PRIM2: variants seen among roughly 807,000 people sequenced by gnomAD.
PRIM2 encodes DNA primase subunit 2, also known as DNA primase large subunit.
A neutral mutation model predicts 67.3 loss-of-function variants in PRIM2; 39 were observed. The observed-to-expected ratio is 0.58, with a 90% confidence interval of 0.45 to 0.76. PRIM2 has a LOEUF of 0.76. Among genes scored for constraint, PRIM2 ranks in the 30% least tolerant of loss-of-function variants. The probability of loss-of-function intolerance (pLI) is 0.00; values close to 1 mark genes in which losing one functional copy is unlikely to be tolerated. For synonymous variants in PRIM2, 143 were observed against 198.7 expected, an observed-to-expected ratio of 0.72 and a Z score of 2.36; for missense variants, 398 against 598.7, an observed-to-expected ratio of 0.66 and a Z score of 3.50.
the PRIM2 span, among the ~76,000 whole-genome samples, chr6:57,224,918 C>T: frequency 6.6e-6 from 1 of 152,174 alleles, no homozygotes; most frequent in Admixed American, 6.5e-5. Context: ...CATAAATTTC[C>T]CTTTGTGAAG....
intron 10 of PRIM2, among the ~76,000 whole-genome samples, chr6:57,582,985 T>C (rs1425814829): frequency 8.0e-6 from 1 of 125,076 alleles, no homozygotes; most frequent in Non-Finnish European, 1.6e-5. Context: ...CCCCTTCCTG[T>C]GTCCATGTGT....
intron 10 of PRIM2, among the ~76,000 whole-genome samples, chr6:57,563,774 T>C (rs1393202375): frequency 9.2e-5 from 14 of 152,178 alleles, no homozygotes; most frequent in African/African-American, 2.9e-4. Context: ...AATTCTCCTG[T>C]GTCAGCCTCC....
At position 57,510,338 on chromosome 6, in the gene PRIM2, A is replaced by C. The variant is rs1554347584; in HGVS notation, c.761+2884A>C. On this transcript the variant is annotated intron_variant, in intron 8 of 13. Transcript: ENST00000615550. ...TTATAATTTATAAATCATACTGTCA[A>C]AATTTTTTTCCTAGAAAACCACTGG... Among the ~76,000 whole-genome samples, 163 of 152,304 alleles carry C rather than the reference A, an allele frequency of 1.1e-3. 1 individual carries two copies. Among genetic ancestry groups the C allele is most frequent in the African/African-American group, 3.7e-3 (155 of 41,580 alleles).
intron 7 of PRIM2, among the ~76,000 whole-genome samples, chr6:57,488,125 T>G (rs1433839697): frequency 2.6e-5 from 4 of 152,198 alleles, no homozygotes; most frequent in African/African-American, 9.6e-5. Flanking sequence ...TTACATCATT[T>G]GTTACTATGT....
intron 7 of PRIM2, chr6:57,435,297 T>C (rs1288104159): frequency 6.6e-6 from 1 of 152,246 alleles, no homozygotes; most frequent in East Asian, 1.9e-4. Context: ...ACCACAGAAT[T>C]TGGTGAGGTT....
chr6:57,478,418 G>A (rs1773531611), intron 7 of PRIM2, among the ~76,000 whole-genome samples: 1 of 149,668 alleles, frequency 6.7e-6, no homozygotes, highest in African/African-American at 2.5e-5. Flanking sequence ...ATAGCTCACT[G>A]CAGCCTCGAA....
At chr6:57,480,942 T>A (rs1416456561) in intron 7 of PRIM2, among the ~76,000 whole-genome samples, 3 of 152,198 alleles carry the variant, frequency 2.0e-5, no homozygotes, top group Non-Finnish European at 4.4e-5. Context: ...TTTAATTTTC[T>A]TATTTCAAGA....
chr6:57,332,543 C>G (rs1165529351), intron 5 of PRIM2, among the ~76,000 whole-genome samples: 1 of 151,950 alleles, frequency 6.6e-6, no homozygotes, highest in Non-Finnish European at 1.5e-5. Flanking sequence ...TTTTGGGGCT[C>G]TCTTGTTAGT....
chr6:57,541,811 A>G (rs1224588621), intron 10 of PRIM2, among the ~76,000 whole-genome samples: 1 of 152,164 alleles, frequency 6.6e-6, no homozygotes, highest in African/African-American at 2.4e-5. Context: ...TGATTGGTTG[A>G]GAATTATTCA....
At chr6:57,475,149 T>C (rs1195332514) in intron 7 of PRIM2, among the ~76,000 whole-genome samples, 6 of 152,180 alleles carry the variant, frequency 3.9e-5, no homozygotes, top group African/African-American at 1.4e-4. Flanking sequence ...GTTTGATTGG[T>C]GACTGTATTT....
At chr6:57,339,188 G>C (rs1270663277) in intron 5 of PRIM2, among the ~76,000 whole-genome samples, 1 of 152,090 alleles carries the variant, frequency 6.6e-6, no homozygotes, top group African/African-American at 2.4e-5. Flanking sequence ...ACAAACCACT[G>C]CTCAAGGAAA....
chr6:57,544,093 A>G (rs1775236457), intron 10 of PRIM2, among the ~76,000 whole-genome samples: 1 of 152,190 alleles, frequency 6.6e-6, no homozygotes, highest in Non-Finnish European at 1.5e-5. Flanking sequence ...CAACAGTCAA[A>G]GACAGGTTTA....
chr6:57,226,257 G>C, the PRIM2 span, among the ~76,000 whole-genome samples: 1 of 152,190 alleles, frequency 6.6e-6, no homozygotes, highest in Non-Finnish European at 1.5e-5. Flanking sequence ...TAAATAACTG[G>C]TATGATGGAA....
At chr6:57,272,335 G>T in the PRIM2 span, among the ~76,000 whole-genome samples, 1 of 152,140 alleles carries the variant, frequency 6.6e-6, no homozygotes. Context: ...ATATATTTAG[G>T]ATAGTTAGCT....
chr6:57,226,071 T>C, the PRIM2 span, among the ~76,000 whole-genome samples: 2 of 152,116 alleles, frequency 1.3e-5, no homozygotes, highest in African/African-American at 4.8e-5. Context: ...ATACATATTG[T>C]GCCAAGGACT....
chr6:57,393,937 G>T (rs1770441223), intron 7 of PRIM2, among the ~76,000 whole-genome samples: 1 of 151,608 alleles, frequency 6.6e-6, no homozygotes, highest in Non-Finnish European at 1.5e-5. Flanking sequence ...CCCACTTTAT[G>T]TTTTTGTTTG....
At chr6:57,610,546 CT>C (rs1161881703) in intron 12 of PRIM2, among the ~76,000 whole-genome samples, 3 of 151,692 alleles carry the variant, frequency 2.0e-5, no homozygotes, top group Non-Finnish European at 4.4e-5. Flanking sequence ...TGGTATCCAG[CT>C]TAAGAAACAG....
intron 7 of PRIM2, among the ~76,000 whole-genome samples, chr6:57,484,525 C>G (rs2127406830): frequency 6.6e-6 from 1 of 152,292 alleles, no homozygotes; most frequent in Non-Finnish European, 1.5e-5. Context: ...CAAAAGCATG[C>G]TCTGGTCCCT....
At chr6:57,274,163 G>A in the PRIM2 span, among the ~76,000 whole-genome samples, 110 of 142,808 alleles carry the variant, frequency 7.7e-4, no homozygotes, top group Non-Finnish European at 9.3e-4. Context: ...CTGTCAGACA[G>A]GGACATTTAT....
Sources: gnomAD v4.1 joint callset for allele counts (sites outside exome capture counted in the v4.1 genomes callset) on GRCh38, gnomAD v4.1.1 for gene constraint, MANE v1.5 for transcripts, NCBI Gene and HGNC (gene_info 2026-07-23, HGNC 2026-07-21) for gene names.